WWC2: variants seen among roughly 807,000 people sequenced by gnomAD.
The protein encoded by WWC2 is protein WWC2.
Under a neutral mutation model 138.5 loss-of-function variants are expected in WWC2, and 101 were observed. The observed-to-expected ratio is 0.73, with a 90% CI of 0.62 to 0.86. The LOEUF is 0.86. Ranked by LOEUF, WWC2 falls within the 40% of genes least tolerant of loss-of-function variation. The pLI is 0.00. For synonymous variants in WWC2, 558 were observed against 538.4 expected, an observed-to-expected ratio of 1.04 and a Z score of -0.50; for missense variants, 1,420 against 1,419.4, an observed-to-expected ratio of 1.00 and a Z score of -0.01.
chr4:183,268,910 A>T (rs1737598641), intron 14 of WWC2, 61 bp from the exon 15 acceptor site: 1 of 1,446,238 alleles, frequency 6.9e-7, no homozygotes, highest in African/African-American at 1.4e-5. Flanking sequence ...TTCAAATGAT[A>T]GCTGTGAATC....
At chr4:183,272,720 C>G (rs1455449483) in intron 16 of WWC2, among the ~76,000 whole-genome samples, 2 of 152,168 alleles carry the variant, frequency 1.3e-5, no homozygotes, top group Non-Finnish European at 2.9e-5. Context: ...AATATTTGTT[C>G]TTTTGTGGCA....
At chr4:183,113,480 CTGTGTGTG>C (rs113602820) in intron 1 of WWC2, among the ~76,000 whole-genome samples, 3,616 of 143,778 alleles carry the variant, frequency 0.025, 43 homozygotes, top group Middle Eastern at 0.039. Flanking sequence ...AAGGTGGGGC[CTGTGTGTG>C]TGTGTGTGTG....
At chr4:183,238,702 A>G (rs1439022033) in intron 4 of WWC2, among the ~76,000 whole-genome samples, 2 of 152,148 alleles carry the variant, frequency 1.3e-5, no homozygotes, top group African/African-American at 4.8e-5. Context: ...CAATTGAAAC[A>G]CTGTTTCCTC....
intron 21 of WWC2, among the ~76,000 whole-genome samples, chr4:183,305,906 G>A (rs1259930579): frequency 6.6e-6 from 1 of 152,098 alleles, no homozygotes; most frequent in Non-Finnish European, 1.5e-5. Flanking sequence ...AGTAATGATA[G>A]CAACAGTGTA....
chr4:183,173,078 T>C (rs1278500191), intron 1 of WWC2, among the ~76,000 whole-genome samples: 1 of 151,742 alleles, frequency 6.6e-6, no homozygotes, highest in Non-Finnish European at 1.5e-5. Context: ...CACAGGGTGC[T>C]CTGTCACCCA....
At chr4:183,182,980 G>A (rs1734679628) in intron 1 of WWC2, among the ~76,000 whole-genome samples, 1 of 152,006 alleles carries the variant, frequency 6.6e-6, no homozygotes, top group Non-Finnish European at 1.5e-5. Flanking sequence ...TTTATTATGT[G>A]TCGACTGTGT....
rs1175029410 is a variant in WWC2, at chr4:183,316,460, A to G, written c.*731A>G. On this transcript the variant is annotated 3_prime_UTR_variant, in exon 23 of 23. Coordinates refer to ENST00000403733, the MANE Select transcript of WWC2 (RefSeq NM_024949.6). ...ACTGAGGGCAGGGAGAAGAAAGAAC[A>G]CCAGCCACGCAGAGATACAAATAAG... is the stretch of plus-strand genomic sequence containing the variant. 6.6e-6 allele frequency: 1 copy of G among 152,260 alleles called. No individual in the cohort carries two copies. Among genetic ancestry groups the G allele is most frequent in the Non-Finnish European group, 1.5e-5 (1 of 68,046 alleles). The allele number at this position is 152,260 out of a possible 1,614,324, so 9.4% of individuals were successfully genotyped here. A position where few individuals can be genotyped will look rare whatever the true frequency, so the allele number is the denominator to read the frequency against.
rs183776105 is a variant in WWC2 at position 183,318,761 on chromosome 4, G to A, written c.*3032G>A. The A allele has an allele frequency of 1.3e-5, 2 of 152,338 alleles. No individual in the cohort carries two copies. Among genetic ancestry groups the A allele is most frequent in the East Asian group, 1.9e-4 (1 of 5,182 alleles). The allele number at this position is 152,338 out of a possible 1,614,324, so 9.4% of individuals were successfully genotyped here. A position where few individuals can be genotyped will look rare whatever the true frequency, so the allele number is the denominator to read the frequency against. On this transcript the variant is annotated 3_prime_UTR_variant, in exon 23 of 23. Coordinates refer to ENST00000403733, the MANE Select transcript of WWC2 (RefSeq NM_024949.6). ...TGAAGGGCTCCAGAATATGTGCTCT[G>A]TGGTCGCTGCGCCTGGGCTGGCAGT...
intron 21 of WWC2, among the ~76,000 whole-genome samples, chr4:183,298,966 C>G (rs1406337942): frequency 6.6e-6 from 1 of 152,118 alleles, no homozygotes; most frequent in Non-Finnish European, 1.5e-5. Context: ...TTATGCAGAG[C>G]AGATTTTTTA....
intron 1 of WWC2, among the ~76,000 whole-genome samples, chr4:183,130,953 T>A (rs1246223617): frequency 6.6e-6 from 1 of 152,252 alleles, no homozygotes; most frequent in Non-Finnish European, 1.5e-5. Flanking sequence ...ATCCGGGTAC[T>A]GTGTCCTAGC....
chr4:183,309,790 A>G (rs1375728356), intron 21 of WWC2, among the ~76,000 whole-genome samples: 1 of 152,248 alleles, frequency 6.6e-6, no homozygotes, highest in Non-Finnish European at 1.5e-5. Flanking sequence ...CTTATTCATA[A>G]TAGCCAAAAC....
At chr4:183,156,559 T>C (rs1260281245) in intron 1 of WWC2, among the ~76,000 whole-genome samples, 1 of 152,152 alleles carries the variant, frequency 6.6e-6, no homozygotes, top group Admixed American at 6.5e-5. Flanking sequence ...TTCGAACTCC[T>C]GACCTTGGGG....
chr4:183,106,000 CAA>C (rs1197052158), intron 1 of WWC2, among the ~76,000 whole-genome samples: 1 of 146,432 alleles, frequency 6.8e-6, no homozygotes, highest in Non-Finnish European at 1.5e-5. Context: ...TTTTTTTTGA[CAA>C]GAGTTTTATT....
intron 1 of WWC2, among the ~76,000 whole-genome samples, chr4:183,161,709 A>G (rs1473611507): frequency 1.3e-5 from 2 of 152,202 alleles, no homozygotes; most frequent in Non-Finnish European, 2.9e-5. Context: ...TATTCTGTAC[A>G]GTATCATGCT....
intron 21 of WWC2, among the ~76,000 whole-genome samples, chr4:183,301,453 TA>T (rs35875624): frequency 0.084 from 12,604 of 150,782 alleles, 744 homozygotes; most frequent in Non-Finnish European, 0.13. Context: ...TAGGGGGCAG[TA>T]AAAAAAAATA....
chr4:183,132,743 G>A (rs1732967421), intron 1 of WWC2, among the ~76,000 whole-genome samples: 3 of 152,098 alleles, frequency 2.0e-5, no homozygotes, highest in African/African-American at 7.2e-5. Flanking sequence ...GTGAGCCACC[G>A]CGCCCGGCCG....
At chr4:183,239,292 C>G (rs1024637123) in intron 4 of WWC2, among the ~76,000 whole-genome samples, 2 of 151,406 alleles carry the variant, frequency 1.3e-5, no homozygotes, top group African/African-American at 2.4e-5. Context: ...CCAGCCTGGT[C>G]GACAGAGCAA....
chr4:183,265,149 C>T (rs371593627), intron 12 of WWC2, 42 bp downstream of exon 12: 208 of 1,576,108 alleles, frequency 1.3e-4, no homozygotes, highest in Middle Eastern at 1.0e-3. Context: ...AGCGAATCTC[C>T]ATCGCCGTGG....
chr4:183,176,105 A>G (rs1734461058), intron 1 of WWC2, among the ~76,000 whole-genome samples: 1 of 152,186 alleles, frequency 6.6e-6, no homozygotes, highest in South Asian at 2.1e-4. Context: ...CTCACATTCC[A>G]TATGTCTAAT....
Sources: gnomAD v4.1 joint callset for allele counts (sites outside exome capture counted in the v4.1 genomes callset) on GRCh38, gnomAD v4.1.1 for gene constraint, MANE v1.5 for transcripts, NCBI Gene and HGNC (gene_info 2026-07-23, HGNC 2026-07-21) for gene names.